The following CORO2B variants were observed in gnomAD, a reference collection of about 807,000 sequenced individuals.
CORO2B encodes the protein coronin 2B, also known as coronin-2B.
In CORO2B, 26 loss-of-function variants were observed where a neutral mutation model predicts 58.8. The observed-to-expected ratio is 0.44, with a 90% CI of 0.32 to 0.61. CORO2B has a LOEUF of 0.61. CORO2B is among the 20% of genes least tolerant of loss of function. CORO2B has a pLI of 0.04. For synonymous variants in CORO2B, 242 were observed against 253.8 expected (o/e 0.95, Z 0.44); for missense variants, 460 against 645.1 (o/e 0.71, Z 3.11).
chr15:68,546,815 C>T, the CORO2B span, among the ~76,000 whole-genome samples: 4 of 152,070 alleles, frequency 2.6e-5, no homozygotes, highest in Non-Finnish European at 5.9e-5. Flanking sequence ...TATTTGCAAC[C>T]CTCTGTTCAC....
At chr15:68,619,675 G>GTATATATATATATATA (rs1367454299) in intron 1 of CORO2B, among the ~76,000 whole-genome samples, 1 of 152,086 alleles carries the variant, frequency 6.6e-6, no homozygotes, top group African/African-American at 2.4e-5. Flanking sequence ...ATGTGTGTGT[G>GTATATATATATATATA]TGTGTATATA....
chr15:68,585,085 A>G (rs1214806901), intron 1 of CORO2B, among the ~76,000 whole-genome samples: 1 of 152,186 alleles, frequency 6.6e-6, no homozygotes, highest in Non-Finnish European at 1.5e-5. Context: ...CTTCCAATTA[A>G]TTAATGTAGC....
At chr15:68,569,485 C>T in the CORO2B span, among the ~76,000 whole-genome samples, 34 of 152,134 alleles carry the variant, frequency 2.2e-4, no homozygotes, top group Non-Finnish European at 2.8e-4. Context: ...CTTTTTGACA[C>T]GGAATAATAT....
chr15:68,539,246 T>C, the CORO2B span, among the ~76,000 whole-genome samples: 2 of 152,118 alleles, frequency 1.3e-5, no homozygotes, highest in East Asian at 3.9e-4. Context: ...CTGACAACGC[T>C]TACCACTGTG....
the CORO2B span, among the ~76,000 whole-genome samples, chr15:68,556,686 C>T: frequency 6.6e-6 from 1 of 152,206 alleles, no homozygotes; most frequent in Non-Finnish European, 1.5e-5. Context: ...CAGACAGTTC[C>T]TGCACTGGTA....
intron 2 of CORO2B, among the ~76,000 whole-genome samples, chr15:68,686,258 A>C (rs574042365): frequency 4.6e-4 from 70 of 151,456 alleles, no homozygotes; most frequent in Admixed American, 4.0e-3. Context: ...CTGGTCTCGA[A>C]CTCCTGACCT....
At chr15:68,525,122 C>T in the CORO2B span, among the ~76,000 whole-genome samples, 1 of 152,310 alleles carries the variant, frequency 6.6e-6, no homozygotes, top group South Asian at 2.1e-4. Context: ...GCTTAACCCT[C>T]CTCCCATTCC....
chr15:68,618,197 C>T (rs887726842), intron 1 of CORO2B, among the ~76,000 whole-genome samples: 3 of 152,150 alleles, frequency 2.0e-5, no homozygotes, highest in African/African-American at 7.2e-5. Flanking sequence ...ATGATATGCA[C>T]TCTATTTTCT....
intron 1 of CORO2B, among the ~76,000 whole-genome samples, chr15:68,583,156 C>T (rs1259940183): frequency 1.3e-5 from 2 of 152,292 alleles, no homozygotes; most frequent in South Asian, 2.1e-4. Flanking sequence ...GAGCCAGTGG[C>T]TCCTGCTGAA....
At chr15:68,590,415 T>A (rs1899674813) in intron 1 of CORO2B, among the ~76,000 whole-genome samples, 1 of 152,112 alleles carries the variant, frequency 6.6e-6, no homozygotes, top group Non-Finnish European at 1.5e-5. Flanking sequence ...ACTCTGCTGT[T>A]ACCCCCACTT....
At chr15:68,559,359 G>A in the CORO2B span, among the ~76,000 whole-genome samples, 1 of 152,132 alleles carries the variant, frequency 6.6e-6, no homozygotes, top group East Asian at 1.9e-4. This position sits in a 1 kb window ranked among gnomAD's most constrained non-coding sequence, Gnocchi z 4.3. Flanking sequence ...AGAATTAAAA[G>A]CCTCCGAGAC....
In CORO2B at chr15:68,701,297, G is replaced by GTTTCTTTTTTTTCTTTTT. The variant is rs377024158; in HGVS notation, c.333+6054_333+6071dup. 4.2e-3 allele frequency among the ~76,000 whole-genome samples: 641 copies of GTTTCTTTTTTTTCTTTTT among 151,564 alleles called. 5 individuals are homozygous for GTTTCTTTTTTTTCTTTTT. Among genetic ancestry groups the GTTTCTTTTTTTTCTTTTT allele is most frequent in the African/African-American group, 0.015 (604 of 41,040 alleles). On this transcript the variant is annotated intron_variant, in intron 3 of 11. Transcript: ENST00000261861. ...TTCCAGGCTCTGCGATCTAGGACTA[G>GTTTCTTTTTTTTCTTTTT]TTTCTTTTTTTTCTTTTTTTTCTTT...
intron 2 of CORO2B, among the ~76,000 whole-genome samples, chr15:68,669,042 C>CA (rs1395966271): frequency 6.1e-5 from 9 of 148,330 alleles, no homozygotes; most frequent in Non-Finnish European, 1.2e-4. Context: ...CACACCACTG[C>CA]ACTCCTCCAT....
chr15:68,678,710 C>T (rs759387505), intron 2 of CORO2B, among the ~76,000 whole-genome samples: 2 of 152,132 alleles, frequency 1.3e-5, no homozygotes, highest in African/African-American at 2.4e-5. Flanking sequence ...GGCAGCTGAG[C>T]GTGTCCAGGG....
chr15:68,675,111 C>T (rs1299173642), intron 2 of CORO2B, among the ~76,000 whole-genome samples: 1 of 152,118 alleles, frequency 6.6e-6, no homozygotes, highest in Admixed American at 6.5e-5. Context: ...TTCTCAGCTC[C>T]GTGAGCCACA....
the CORO2B span, among the ~76,000 whole-genome samples, chr15:68,546,590 C>T: frequency 1.3e-5 from 2 of 152,196 alleles, no homozygotes; most frequent in Admixed American, 6.5e-5. Context: ...CCTGGCCTGC[C>T]TCCTCTGCCC....
chr15:68,688,208 T>G (rs1057019698), intron 2 of CORO2B, among the ~76,000 whole-genome samples: 2 of 151,636 alleles, frequency 1.3e-5, no homozygotes, highest in African/African-American at 4.9e-5. Flanking sequence ...ATAATATCTG[T>G]TTTTTTAATA....
chr15:68,704,603 G>C (rs553304217), intron 3 of CORO2B, among the ~76,000 whole-genome samples: 7 of 152,206 alleles, frequency 4.6e-5, no homozygotes, highest in African/African-American at 1.7e-4. Context: ...TTTATTAACT[G>C]TCCTTATCAG....
At chr15:68,601,348 C>G (rs754744141) in intron 1 of CORO2B, among the ~76,000 whole-genome samples, 2 of 152,204 alleles carry the variant, frequency 1.3e-5, no homozygotes, top group South Asian at 4.1e-4. Context: ...GGGTTCCACC[C>G]GTCCCTGGGC....
Sources: allele counts gnomAD v4.1 joint callset (sites outside exome capture counted in the v4.1 genomes callset), GRCh38; gene constraint gnomAD v4.1.1; non-coding constraint Gnocchi (gnomAD v3.1); transcripts MANE v1.5; gene names NCBI Gene and HGNC (gene_info 2026-07-23, HGNC 2026-07-21).